SPHKAP: variants seen among roughly 807,000 people sequenced by gnomAD.
SPHKAP encodes the protein A-kinase anchor protein SPHKAP.
Under a neutral mutation model 137.5 loss-of-function variants are expected in SPHKAP, and 67 were observed. That is an observed-to-expected ratio of 0.49 (90% confidence interval 0.40 to 0.60). SPHKAP has a LOEUF of 0.60. Ranked by LOEUF, SPHKAP falls within the 20% of genes least tolerant of loss-of-function variation. The pLI, the probability that SPHKAP is intolerant of heterozygous loss-of-function variation, is 0.00. For synonymous variants in SPHKAP, 813 were observed against 785.3 expected (o/e 1.04, Z -0.59); for missense variants, 2,097 against 2,069.3 (o/e 1.01, Z -0.26).
At chr2:227,984,299 CAAAA>C (rs61461358) in intron 11 of SPHKAP, among the ~76,000 whole-genome samples, 1 of 52,834 alleles carries the variant, frequency 1.9e-5, no homozygotes. Flanking sequence ...GACTCCATCT[CAAAA>C]AAAAAAAAAA....
intron 3 of SPHKAP, among the ~76,000 whole-genome samples, chr2:228,034,899 C>A (rs894423430): frequency 6.6e-6 from 1 of 151,714 alleles, no homozygotes; most frequent in African/African-American, 2.4e-5. Flanking sequence ...TGAGAGCTAT[C>A]TATGACAAAC....
intron 7 of SPHKAP, among the ~76,000 whole-genome samples, chr2:228,004,361 A>C (rs1194059689): frequency 6.6e-6 from 1 of 152,304 alleles, no homozygotes; most frequent in Non-Finnish European, 1.5e-5. Flanking sequence ...AGGTGTTTAT[A>C]GTATTCTCTG....
At chr2:227,997,332 G>A (rs931161088) in intron 7 of SPHKAP, among the ~76,000 whole-genome samples, 1 of 152,154 alleles carries the variant, frequency 6.6e-6, no homozygotes, top group South Asian at 2.1e-4. Flanking sequence ...GGAGAAGTGT[G>A]TGCTTCGAGC....
intron 1 of SPHKAP, among the ~76,000 whole-genome samples, chr2:228,135,404 A>G (rs927902624): frequency 9.2e-5 from 14 of 152,206 alleles, no homozygotes; most frequent in Admixed American, 2.6e-4. Flanking sequence ...AGAAAACTAA[A>G]AGGTCGGCCT....
At chr2:228,157,087 A>G (rs182714966) in intron 1 of SPHKAP, among the ~76,000 whole-genome samples, 91 of 152,334 alleles carry the variant, frequency 6.0e-4, no homozygotes, top group Non-Finnish European at 1.1e-3. Context: ...TAGAGAAGAG[A>G]GACAGAAAAG....
intron 11 of SPHKAP, among the ~76,000 whole-genome samples, chr2:227,989,630 A>G (rs759404393): frequency 1.3e-5 from 2 of 152,066 alleles, no homozygotes; most frequent in Non-Finnish European, 1.5e-5. Context: ...TTTTGAGACA[A>G]TGTCTGACTC....
intron 3 of SPHKAP, among the ~76,000 whole-genome samples, chr2:228,076,040 T>C (rs1697171516): frequency 6.6e-6 from 1 of 152,130 alleles, no homozygotes; most frequent in Non-Finnish European, 1.5e-5. Context: ...GTTCTCATGA[T>C]AGTGAATGAG....
intron 7 of SPHKAP, among the ~76,000 whole-genome samples, chr2:228,003,093 A>AG (rs1559340827): frequency 2.4e-4 from 37 of 152,254 alleles, no homozygotes; most frequent in African/African-American, 8.4e-4. Context: ...AGTTTTTTCC[A>AG]ATCTGTGAAG....
rs549225212 is a variant in SPHKAP at position 227,993,816 on chromosome 2, C to T, written c.4635-196G>A. Among the ~76,000 whole-genome samples, 13 of 152,108 alleles carry T rather than the reference C, an allele frequency of 8.5e-5. No individual in the cohort carries two copies. The South Asian group carries it at 2.7e-3, about 32-fold the overall frequency. ...TAATGAGACATAGGCCTAACCAGCT[C>T]AGCAGATAATAATAATACTACTAAT... On this transcript the variant is annotated intron_variant, in intron 8 of 11. Coordinates refer to ENST00000392056, the MANE Select transcript of SPHKAP (RefSeq NM_001142644.2).
intron 1 of SPHKAP, among the ~76,000 whole-genome samples, chr2:228,161,681 C>T (rs548156372): frequency 2.7e-5 from 4 of 147,914 alleles, no homozygotes; most frequent in East Asian, 2.0e-4. Flanking sequence ...ATGTCCTGCA[C>T]GTGCACCTTG....
rs116612674 is a variant in SPHKAP at position 228,073,134 on chromosome 2, A to G, written c.246+35698T>C. 9.9e-3 allele frequency among the ~76,000 whole-genome samples: 1,506 copies of G among 152,354 alleles called. 17 individuals carry two copies. The highest frequency in any genetic ancestry group is 0.033 in the African/African-American group (1,354 of 41,588). On this transcript the variant is annotated intron_variant, in intron 3 of 11. Transcript: ENST00000392056. ...AGCAGTTTATTTTACAAATGAGGAA[A>G]TTAGCTGAGAGGGGCAGAATAATTG... is the stretch of plus-strand genomic sequence containing the variant.
chr2:228,011,838 G>A (rs1317938639), intron 7 of SPHKAP, among the ~76,000 whole-genome samples: 1 of 152,028 alleles, frequency 6.6e-6, no homozygotes, highest in African/African-American at 2.4e-5. Flanking sequence ...TTTTGTTGTG[G>A]TGAAAATATT....
intron 3 of SPHKAP, among the ~76,000 whole-genome samples, chr2:228,055,782 C>A (rs1399424144): frequency 6.6e-6 from 1 of 152,196 alleles, no homozygotes; most frequent in Non-Finnish European, 1.5e-5. Context: ...TAATGGCAAA[C>A]CTCCTCCTGC....
At chr2:228,037,266 C>T (rs1030530951) in intron 3 of SPHKAP, among the ~76,000 whole-genome samples, 4 of 152,096 alleles carry the variant, frequency 2.6e-5, no homozygotes, top group Non-Finnish European at 5.9e-5. Context: ...CAAATGAATG[C>T]CCACAAGGAG....
At chr2:228,028,105 CT>C (rs1204982874) in intron 3 of SPHKAP, 2 of 970,292 alleles carry the variant, frequency 2.1e-6, no homozygotes, top group East Asian at 1.1e-4. Context: ...CTAAAAAAGT[CT>C]GCTTGTATTA....
At position 228,017,266 on chromosome 2, in the gene SPHKAP, C is replaced by G. The variant is rs1446866258; in HGVS notation, c.3588G>C (p.Arg1196Ser). The G allele has an allele frequency of 6.8e-6, 11 of 1,614,078 alleles. No homozygotes were observed. The highest frequency in any genetic ancestry group is 9.3e-6 in the Non-Finnish European group (11 of 1,180,036). The change falls in exon 7 of 12, where the codon AGG (arginine) becomes AGC (serine). Residue 1196 changes from arginine to serine, a missense_variant. Transcript: ENST00000392056. ...STESITEEFY[R>S]YMLRDIERDS... ...CTCTTTCGATGTCCCTCAGCATGTA[C>G]CTGTAGAACTCCTCAGTGATGCTCT...
At chr2:228,123,771 C>T (rs1698987670) in intron 2 of SPHKAP, among the ~76,000 whole-genome samples, 2 of 152,036 alleles carry the variant, frequency 1.3e-5, no homozygotes, top group South Asian at 4.2e-4. Flanking sequence ...GCTTTTGTTG[C>T]CATTGCTTTT....
At chr2:228,149,629 T>G (rs1699870918) in intron 1 of SPHKAP, among the ~76,000 whole-genome samples, 1 of 152,212 alleles carries the variant, frequency 6.6e-6, no homozygotes, top group Non-Finnish European at 1.5e-5. Flanking sequence ...CCACTTATAA[T>G]TCTCTCTGGA....
chr2:228,040,219 C>A (rs563877891), intron 3 of SPHKAP, among the ~76,000 whole-genome samples: 34 of 152,244 alleles, frequency 2.2e-4, no homozygotes, highest in African/African-American at 8.2e-4. Flanking sequence ...AACAATGCAG[C>A]CATCTGGCCA....
Sources: gnomAD v4.1 joint callset for allele counts (sites outside exome capture counted in the v4.1 genomes callset) on GRCh38, gnomAD v4.1.1 for gene constraint, MANE v1.5 for transcripts, NCBI Gene and HGNC (gene_info 2026-07-23, HGNC 2026-07-21) for gene names.